Variants in ZNF484 observed in about 807,000 individuals in gnomAD.
ZNF484 encodes the protein KRAB box containing C2H2 type zinc finger bA526D8.4.
ZNF484 carries 11 observed loss-of-function variants against 12.9 expected under a neutral mutation model. The observed-to-expected ratio is 0.85, with a 90% confidence interval of 0.54 to 1.41. The LOEUF is 1.41. Among genes scored for constraint, ZNF484 ranks in the 40% most tolerant of loss-of-function variants. ZNF484 has a pLI of 0.00. For synonymous variants in ZNF484, 289 were observed against 334.1 expected, an observed-to-expected ratio of 0.86 and a Z score of 1.47; for missense variants, 807 against 1,007.7, an observed-to-expected ratio of 0.80 and a Z score of 2.70.
rs1221297741 is a variant in ZNF484 at position 92,849,782 on chromosome 9, CTCTG to C, written c.236-1235_236-1232del. Among the ~76,000 whole-genome samples, 6 of 151,926 alleles carry C rather than the reference CTCTG, an allele frequency of 3.9e-5. No homozygotes were observed. The East Asian group carries it at 1.2e-3, about 29-fold the overall frequency. On this transcript the variant is annotated intron_variant, in intron 4 of 4. Transcript: ENST00000375495. The stretch of plus-strand genomic sequence containing the variant: ...CTCCAGCCTGGGTGACAGAGTGAGA[CTCTG>C]TCTCTCTCTCTCTCTTTTTTTTTTT...
chr9:92,865,563 A>C (rs989050565), intron 2 of ZNF484, among the ~76,000 whole-genome samples: 5 of 152,340 alleles, frequency 3.3e-5, no homozygotes, highest in African/African-American at 9.6e-5. Context: ...ACTGGTAGGA[A>C]TACAAATTGG....
rs966969960 is a variant in ZNF484 at position 92,853,605 on chromosome 9, T to G, written c.235+2206A>C. 3.9e-5 allele frequency among the ~76,000 whole-genome samples: 6 copies of G among 152,322 alleles called. No homozygotes were observed. The East Asian group carries it at 9.6e-4, about 24-fold the overall frequency. Reference sequence around the variant, plus strand: ...ACAGATTATGCTGGGCTGAGACACATGGACCTGGGCAACTTTAAGGAGGGC... The same window carrying G: ...ACAGATTATGCTGGGCTGAGACACAGGGACCTGGGCAACTTTAAGGAGGGC... On this transcript the variant is annotated intron_variant, in intron 4 of 4. Transcript: ENST00000375495.
chr9:92,877,760 C>T (rs1211826741), intron 1 of ZNF484, 130 bp downstream of exon 1: 2 of 1,532,412 alleles, frequency 1.3e-6, no homozygotes, highest in Non-Finnish European at 1.7e-6. Context: ...CCCTCAGATC[C>T]ACCATCAGAG....
rs1366526362 is a variant in ZNF484 at position 92,845,541 on chromosome 9, C to T, written c.*687G>A. ...TTGATATCCATTTTCTTAATTTGTC[C>T]TATTTTTCAAACAGGAGTTGGTAAC... On this transcript the variant is annotated 3_prime_UTR_variant, in exon 5 of 5. Transcript: ENST00000375495. This position sits in a 1 kb window ranked among gnomAD's most constrained non-coding sequence, Gnocchi z 4.0. 1 of 152,098 alleles carries T rather than the reference C, an allele frequency of 6.6e-6. No homozygotes were observed. Among genetic ancestry groups the T allele is most frequent in the Admixed American group, 6.5e-5 (1 of 15,272 alleles). The allele number at this position is 152,098 out of a possible 1,614,324, so 9.4% of individuals were successfully genotyped here.
chr9:92,866,692 G>A lies in ZNF484; in HGVS notation c.15+8323C>T, dbSNP rs138466111. On this transcript the variant is annotated intron_variant, in intron 2 of 4. Coordinates refer to ENST00000375495, the MANE Select transcript of ZNF484 (RefSeq NM_031486.4). ...TTCTACTATAAAGACACATGCACACGTATGTTTACTGCAGCACTATTTACA... is the reference window on the plus strand; with the variant it reads ...TTCTACTATAAAGACACATGCACACATATGTTTACTGCAGCACTATTTACA... Among the ~76,000 whole-genome samples the A allele has an allele frequency of 8.6e-3, 1,309 of 151,688 alleles. 16 individuals are homozygous for A. The highest frequency in any genetic ancestry group is 0.013 in the Non-Finnish European group (876 of 67,952).
intron 2 of ZNF484, among the ~76,000 whole-genome samples, chr9:92,862,992 A>G (rs983991084): frequency 2.6e-5 from 4 of 152,172 alleles, no homozygotes; most frequent in African/African-American, 4.8e-5. Flanking sequence ...CACTATTCAC[A>G]ATAGCAAAGA....
At chr9:92,854,450 GCTC>G (rs1856309572) in intron 4 of ZNF484, among the ~76,000 whole-genome samples, 1 of 152,166 alleles carries the variant, frequency 6.6e-6, no homozygotes, top group Non-Finnish European at 1.5e-5. Context: ...GGGCGTGGTG[GCTC>G]CCGCCTATAA....
rs201938431 is a variant in ZNF484 at position 92,847,174 on chromosome 9, C to T, written c.1613G>A (p.Arg538Gln). ...ATGACACTTCTGATGTATCCTGAGC[C>T]GAGACTTCCAGGTGAATGATTTTCC... ...DCGKSFTWKS[R>Q]LRIHQKCHTG... The change falls in exon 5 of 5, where the codon CGG (arginine) becomes CAG (glutamine). Residue 538 changes from arginine (R) to glutamine (Q), a missense_variant. Transcript: ENST00000375495. 26 of 1,613,760 alleles carry T rather than the reference C, an allele frequency of 1.6e-5. No individual in the cohort carries two copies. The African/African-American group carries it at 2.3e-4, about 14-fold the overall frequency.
At chr9:92,862,345 T>C (rs1856828613) in intron 2 of ZNF484, among the ~76,000 whole-genome samples, 1 of 151,938 alleles carries the variant, frequency 6.6e-6, no homozygotes, top group South Asian at 2.1e-4. Context: ...TTACAACAAC[T>C]TTCTAAGATA....
At chr9:92,868,752 T>C (rs1366631708) in intron 2 of ZNF484, among the ~76,000 whole-genome samples, 1 of 152,060 alleles carries the variant, frequency 6.6e-6, no homozygotes, top group Non-Finnish European at 1.5e-5. Flanking sequence ...ACTCATAAGA[T>C]TGAGAACTCA....
intron 2 of ZNF484, among the ~76,000 whole-genome samples, chr9:92,868,302 A>G (rs7032277): frequency 0.41 from 63,056 of 151,980 alleles, 14,049 homozygotes; most frequent in African/African-American, 0.57. Flanking sequence ...GAGCAGGTCG[A>G]CAACTCCAAG....
intron 4 of ZNF484, among the ~76,000 whole-genome samples, chr9:92,853,245 A>G (rs1856219123): frequency 6.6e-6 from 1 of 152,252 alleles, no homozygotes. Context: ...GAGGTAAGAA[A>G]GAGGCTTTTG....
Position 92,856,266 on chromosome 9 carries a change from T to C in ZNF484, c.68A>G (p.Gln23Arg). ...VTVDFSRDEW[Q>R]QLDLAQKSLY... ...GCTTTTCTGAGCAAGGTCTAATTGT[T>C]GCCACTCATCCCTACTGAAGTCTAC... Residue 23 changes from glutamine to arginine, a missense_variant, in exon 3 of 5, where the codon CAA becomes CGA. Gln to Arg is a conservative substitution (Grantham distance 43). Transcript: ENST00000375495. The C allele has an allele frequency of 1.2e-6, 2 of 1,613,846 alleles. No homozygotes were observed. The highest frequency in any genetic ancestry group is 8.5e-7 in the Non-Finnish European group (1 of 1,179,964).
In ZNF484 at chr9:92,861,960, T is replaced by C. The variant is rs944950005; in HGVS notation, c.16-5642A>G. Among the ~76,000 whole-genome samples the C allele has an allele frequency of 9.2e-5, 14 of 152,126 alleles. No individual in the cohort carries two copies. The South Asian group carries it at 1.4e-3, about 16-fold the overall frequency. ...TCAGAGAGAAATGACACATTACATG[T>C]AGGGAAAGGGCAATTTGAACAAGAA... On this transcript the variant is annotated intron_variant, in intron 2 of 4. Transcript: ENST00000375495.
intron 4 of ZNF484, among the ~76,000 whole-genome samples, chr9:92,852,245 A>G (rs1391961535): frequency 6.6e-6 from 1 of 152,210 alleles, no homozygotes; most frequent in Non-Finnish European, 1.5e-5. Context: ...GGAGTAAGTG[A>G]AAGCTGAGCA....
intron 2 of ZNF484, among the ~76,000 whole-genome samples, chr9:92,869,695 G>A (rs1318387974): frequency 6.6e-6 from 1 of 152,192 alleles, no homozygotes; most frequent in Non-Finnish European, 1.5e-5. Flanking sequence ...GTAGATAACT[G>A]CTTAAAACTG....
chr9:92,847,757 A>T lies in ZNF484; in HGVS notation c.1030T>A (p.Phe344Ile), dbSNP rs753777654. Residue 344 changes from phenylalanine to isoleucine, a missense_variant, in exon 5 of 5, where the codon TTC becomes ATC. Physicochemically the swap from Phe to Ile is conservative, Grantham distance 21 (BLOSUM62 0). Transcript: ENST00000375495. ...GRAFIQKSDL[F>I]RCQRIHSGEK... The stretch of plus-strand genomic sequence containing the variant: ...CCAGAATGAATTCTCTGGCATCTGA[A>T]CAGATCTGACTTCTGGATAAAGGCT... 5 of 1,613,758 alleles carry T rather than the reference A, an allele frequency of 3.1e-6. No individual in the cohort carries two copies. The African/African-American group carries it at 6.7e-5, about 22-fold the overall frequency.
At chr9:92,858,111 T>C (rs1002316817) in intron 2 of ZNF484, among the ~76,000 whole-genome samples, 3 of 151,986 alleles carry the variant, frequency 2.0e-5, no homozygotes, top group African/African-American at 7.2e-5. Flanking sequence ...ATATCCAAAA[T>C]CAGAGAAGGA....
chr9:92,876,950 C>A (rs1564120716), intron 1 of ZNF484, among the ~76,000 whole-genome samples: 1 of 152,112 alleles, frequency 6.6e-6, no homozygotes, highest in Non-Finnish European at 1.5e-5. Context: ...GAACAAAGTT[C>A]ATTGAGTAAC....
Sources: allele counts gnomAD v4.1 joint callset (sites outside exome capture counted in the v4.1 genomes callset), GRCh38; gene constraint gnomAD v4.1.1; non-coding constraint Gnocchi (gnomAD v3.1); transcripts MANE v1.5; gene names NCBI Gene and HGNC (gene_info 2026-07-23, HGNC 2026-07-21).